Variants in NBEA observed in about 807,000 individuals in gnomAD.
NBEA encodes the protein neurobeachin.
A neutral mutation model predicts 343.4 loss-of-function variants in NBEA; 44 were observed. The observed-to-expected ratio is 0.13, with a 90% CI of 0.10 to 0.16. NBEA has a LOEUF of 0.16. NBEA is among the 10% of genes least tolerant of loss of function. The pLI is 1.00. For synonymous variants in NBEA, 1,175 were observed against 1,238.7 expected (o/e 0.95, Z 1.08); for missense variants, 2,555 against 3,631.3 (o/e 0.70, Z 7.62).
At chr13:35,131,744 C>T (rs1450920800) in intron 17 of NBEA, among the ~76,000 whole-genome samples, 1 of 152,132 alleles carries the variant, frequency 6.6e-6, no homozygotes, top group Non-Finnish European at 1.5e-5. Context: ...GCATATGCAG[C>T]ATTCTCCAAA....
At chr13:35,472,945 T>TG (rs1207794113) in intron 41 of NBEA, among the ~76,000 whole-genome samples, 4 of 152,140 alleles carry the variant, frequency 2.6e-5, no homozygotes, top group East Asian at 1.9e-4. Context: ...ATAAGGAAAC[T>TG]GGGGGGAGAG....
intron 33 of NBEA, among the ~76,000 whole-genome samples, chr13:35,213,521 G>T (rs2073900581): frequency 6.6e-6 from 1 of 151,790 alleles, no homozygotes; most frequent in South Asian, 2.1e-4. Flanking sequence ...GGAGTATTTG[G>T]ATCTATTGCA....
At chr13:35,280,886 G>A (rs9600437) in intron 34 of NBEA, among the ~76,000 whole-genome samples, 56,160 of 151,642 alleles carry the variant, frequency 0.37, 13,384 homozygotes, top group African/African-American at 0.68. Flanking sequence ...ACTGGATTCT[G>A]AGTAATAAAA....
chr13:35,161,625 T>C (rs1158820483), intron 22 of NBEA, 125 bp from the exon 23 acceptor site: 5 of 870,824 alleles, frequency 5.7e-6, no homozygotes, highest in Non-Finnish European at 3.5e-6. Flanking sequence ...ATGTGAAATA[T>C]ATTAAACTGC....
At chr13:35,435,720 T>A (rs747464963) in intron 39 of NBEA, among the ~76,000 whole-genome samples, 7 of 152,160 alleles carry the variant, frequency 4.6e-5, no homozygotes, top group Non-Finnish European at 8.8e-5. Flanking sequence ...TAAAAAAGTA[T>A]AGAATAAATC....
intron 34 of NBEA, among the ~76,000 whole-genome samples, chr13:35,263,130 A>T (rs2033354059): frequency 6.6e-6 from 1 of 152,158 alleles, no homozygotes; most frequent in Non-Finnish European, 1.5e-5. Context: ...AGACATATAA[A>T]CCAATGGAAT....
chr13:35,545,797 A>G (rs772016582), intron 41 of NBEA, among the ~76,000 whole-genome samples: 15 of 152,188 alleles, frequency 9.9e-5, no homozygotes, highest in Non-Finnish European at 2.2e-4. Flanking sequence ...CGAAAGTTCC[A>G]TGGTAGTGCA....
At chr13:34,968,691 A>C (rs762174112) in intron 1 of NBEA, among the ~76,000 whole-genome samples, 4 of 152,166 alleles carry the variant, frequency 2.6e-5, no homozygotes, top group Non-Finnish European at 4.4e-5. Flanking sequence ...AAAACTGCTG[A>C]AAGAATGTGA....
chr13:35,195,124 C>T (rs896178461), intron 30 of NBEA, among the ~76,000 whole-genome samples: 3 of 151,730 alleles, frequency 2.0e-5, no homozygotes, highest in African/African-American at 7.3e-5. Context: ...ATTGAAGTAC[C>T]AAAGAAAGTA....
chr13:35,303,870 T>G (rs2036709212), intron 35 of NBEA, among the ~76,000 whole-genome samples: 1 of 152,202 alleles, frequency 6.6e-6, no homozygotes, highest in Non-Finnish European at 1.5e-5. Flanking sequence ...GATTGTTTAC[T>G]CTAGTTACCA....
chr13:34,988,398 G>T (rs962180658), intron 1 of NBEA, among the ~76,000 whole-genome samples: 3 of 151,262 alleles, frequency 2.0e-5, no homozygotes, highest in African/African-American at 7.2e-5. Context: ...CCTGCCCCCA[G>T]AGGTGGAGAC....
At chr13:35,597,650 C>G (rs1463571378) in intron 47 of NBEA, among the ~76,000 whole-genome samples, 1 of 152,126 alleles carries the variant, frequency 6.6e-6, no homozygotes, top group African/African-American at 2.4e-5. Flanking sequence ...TATTAAGTGA[C>G]TCACCTAAGT....
chr13:35,284,906 A>G (rs2035317983), intron 34 of NBEA, among the ~76,000 whole-genome samples: 1 of 152,086 alleles, frequency 6.6e-6, no homozygotes, highest in African/African-American at 2.4e-5. Flanking sequence ...TAAGTATTAC[A>G]GGAGTCTAAA....
intron 36 of NBEA, among the ~76,000 whole-genome samples, chr13:35,339,461 T>G (rs1215383719): frequency 6.6e-6 from 1 of 152,114 alleles, no homozygotes; most frequent in Non-Finnish European, 1.5e-5. Flanking sequence ...TCAACATCAG[T>G]AGTCATTATG....
chr13:35,133,896 T>A (rs2067568836), intron 17 of NBEA, among the ~76,000 whole-genome samples: 1 of 151,880 alleles, frequency 6.6e-6, no homozygotes, highest in African/African-American at 2.4e-5. Context: ...CTTACTAAGT[T>A]GGTTGGTGGT....
chr13:34,965,808 A>G (rs2059803195), intron 1 of NBEA, among the ~76,000 whole-genome samples: 2 of 152,064 alleles, frequency 1.3e-5, no homozygotes, highest in South Asian at 4.1e-4. Flanking sequence ...ATATTTATTT[A>G]TAAACACATA....
chr13:35,665,287 C>A, intron 56 of NBEA, 101 bp downstream of exon 56: 1 of 883,812 alleles, frequency 1.1e-6, no homozygotes, highest in South Asian at 1.6e-5. Flanking sequence ...TTCCCATAGA[C>A]AAATGGTATC....
chr13:35,454,228 A>G (rs1422480236), intron 40 of NBEA, among the ~76,000 whole-genome samples: 1 of 152,234 alleles, frequency 6.6e-6, no homozygotes, highest in African/African-American at 2.4e-5. Context: ...AATATGCTGC[A>G]TAGGTTATAA....
At chr13:35,362,352 A>G (rs962577800) in intron 38 of NBEA, among the ~76,000 whole-genome samples, 1 of 151,856 alleles carries the variant, frequency 6.6e-6, no homozygotes, top group Admixed American at 6.6e-5. Context: ...ATGTGTGTGT[A>G]TGTGTATATG....
Sources: gnomAD v4.1 joint callset for allele counts (sites outside exome capture counted in the v4.1 genomes callset) on GRCh38, gnomAD v4.1.1 for gene constraint, MANE v1.5 for transcripts, NCBI Gene and HGNC (gene_info 2026-07-23, HGNC 2026-07-21) for gene names.